NPHP3: variants seen among roughly 807,000 people sequenced by gnomAD.
NPHP3 encodes nephrocystin 3.
Under a neutral mutation model 171.9 loss-of-function variants are expected in NPHP3, and 123 were observed. The observed-to-expected ratio is 0.72, with a 90% CI of 0.62 to 0.83. The LOEUF is 0.83. Among genes scored for constraint, NPHP3 ranks in the 40% least tolerant of loss-of-function variants. The probability of loss-of-function intolerance (pLI) is 0.00; values close to 1 mark genes in which losing one functional copy is unlikely to be tolerated. For missense variants in NPHP3, 1,506 were observed against 1,591.9 expected (o/e 0.95, Z 0.92); for synonymous variants, 558 against 579.2 (o/e 0.96, Z 0.52).
chr3:132,701,350 G>A (rs939043729), intron 10 of NPHP3, 80 bp downstream of exon 10: 5 of 960,302 alleles, frequency 5.2e-6, no homozygotes, highest in Non-Finnish European at 8.4e-6. Flanking sequence ...GCGCAGGAAG[G>A]CAGGCATGCA....
chr3:132,685,166 TG>T, intron 23 of NPHP3: 2 of 247,472 alleles, frequency 8.1e-6, no homozygotes, highest in South Asian at 1.0e-4. Context: ...TTCTTTATTT[TG>T]TTTTTTTGTA....
chr3:132,694,379 T>TGTGTGTA (rs1391468945), intron 16 of NPHP3, among the ~76,000 whole-genome samples: 2 of 148,814 alleles, frequency 1.3e-5, no homozygotes, highest in African/African-American at 5.0e-5. Context: ...GTGTGTGTGT[T>TGTGTGTA]TACACACACA....
intron 13 of NPHP3, 151 bp downstream of exon 13, chr3:132,699,202 T>A: frequency 1.7e-5 from 11 of 635,742 alleles, no homozygotes. Flanking sequence ...CTATAGATTG[T>A]ATTTTTTTTT....
At chr3:132,706,538 A>G (rs962192554) in intron 7 of NPHP3, among the ~76,000 whole-genome samples, 1 of 152,180 alleles carries the variant, frequency 6.6e-6, no homozygotes, top group African/African-American at 2.4e-5. Flanking sequence ...GCAAAATAGT[A>G]TACTATGTAG....
At chr3:132,712,463 A>G (rs546418520) in intron 6 of NPHP3, 16 of 456,972 alleles carry the variant, frequency 3.5e-5, no homozygotes, top group South Asian at 2.2e-4. Context: ...GTATGAAGGC[A>G]GCTGTAGAAA....
At position 132,689,105 on chromosome 3, in the gene NPHP3, C is replaced by A; in HGVS notation, c.2852G>T (p.Arg951Leu). The A allele has an allele frequency of 6.2e-7, 1 of 1,614,128 alleles. No homozygotes were observed. Among genetic ancestry groups the A allele is most frequent in the Non-Finnish European group, 8.5e-7 (1 of 1,179,996 alleles). The change falls in exon 20 of 27, where the codon CGA (arginine) becomes CTA (leucine). Residue 951 changes from arginine to leucine, a missense_variant. Coordinates refer to ENST00000337331, the MANE Select transcript of NPHP3 (RefSeq NM_153240.5). Reference protein sequence around the residue: ...CLADLYETLGRFLKDLGLLSQ... With the variant: ...CLADLYETLGLFLKDLGLLSQ... ...GAGAAGGCCTAGATCCTTGAGAAAT[C>A]GCCCCAAGGTTTCATAAAGATCAGC...
chr3:132,683,597 G>A (rs1939086151), intron 24 of NPHP3, 73 bp from the exon 25 acceptor site: 2 of 1,253,934 alleles, frequency 1.6e-6, no homozygotes, highest in Admixed American at 2.1e-5. Context: ...TTTTCCATAA[G>A]TAAAATTTCA....
chr3:132,706,231 T>C (rs1308869923), intron 7 of NPHP3, among the ~76,000 whole-genome samples: 2 of 151,838 alleles, frequency 1.3e-5, no homozygotes, highest in Non-Finnish European at 2.9e-5. Flanking sequence ...TGGTGGCCGG[T>C]GCCTGTAGTG....
intron 6 of NPHP3, among the ~76,000 whole-genome samples, chr3:132,709,963 G>A (rs574656665): frequency 5.9e-5 from 9 of 152,202 alleles, no homozygotes; most frequent in South Asian, 2.1e-4. Context: ...TCAGGCACAC[G>A]TCCATATTTC....
At position 132,690,573 on chromosome 3, in the gene NPHP3, T is replaced by C; in HGVS notation, c.2648A>G (p.His883Arg). The C allele has an allele frequency of 1.2e-6, 2 of 1,613,488 alleles. No homozygotes were observed. Among genetic ancestry groups the C allele is most frequent in the Non-Finnish European group, 8.5e-7 (1 of 1,179,430 alleles). ...FQQQGSKQKL[H>R]DCLLNLFVSQ... ...CACAAAGAGATTAAGAAGGCAATCA[T>C]GCAGCTTCTGTTTACTTCCCTGCTG... Residue 883 changes from histidine to arginine, a missense_variant, in exon 19 of 27, where the codon CAT (histidine) becomes CGT (arginine). His to Arg is a conservative substitution (Grantham distance 29). Around this residue, in one of 3 missense-constraint regions of NPHP3, gnomAD observed 569 missense variants for 648.1 expected, o/e 0.88. Transcript: ENST00000337331.
chr3:132,686,528 T>A, intron 22 of NPHP3, 141 bp from the exon 23 acceptor site: 1 of 863,606 alleles, frequency 1.2e-6, no homozygotes, highest in Non-Finnish European at 1.8e-6. Flanking sequence ...CACACTAAAT[T>A]AACTTGATGA....
At position 132,700,052 on chromosome 3, in the gene NPHP3, G is replaced by A; in HGVS notation, c.1753C>T (p.His585Tyr). The change falls in exon 12 of 27, where the codon CAC becomes TAC. Residue 585 changes from histidine to tyrosine, a missense_variant. Physicochemically the swap from His to Tyr is moderately conservative, Grantham distance 83 (BLOSUM62 2). Around this residue, in one of 3 missense-constraint regions of NPHP3, gnomAD observed 930 missense variants for 924.9 expected, o/e 1.01. Coordinates refer to ENST00000337331, the MANE Select transcript of NPHP3 (RefSeq NM_153240.5). ...GTCAGAGCAGAGACTGACCAAGAGT[G>A]CTGCATCAACTACAAGATAAGAACA... Reference protein sequence around the residue: ...IKRLTLKLMQHSWSVSALTLD... With the variant: ...IKRLTLKLMQYSWSVSALTLD... The A allele has an allele frequency of 6.2e-7, 1 of 1,614,118 alleles. No individual in the cohort carries two copies. The highest frequency in any genetic ancestry group is 8.5e-7 in the Non-Finnish European group (1 of 1,180,008).
chr3:132,689,288 T>C (rs772993385), intron 19 of NPHP3, 25 bp from the exon 20 acceptor site: 2 of 1,610,070 alleles, frequency 1.2e-6, no homozygotes, highest in African/African-American at 2.7e-5. Context: ...AACAGTACTT[T>C]AATGAAAAAC....
chr3:132,687,115 C>T (rs768579911), intron 22 of NPHP3, 36 bp downstream of exon 22: 16 of 1,044,744 alleles, frequency 1.5e-5, no homozygotes, highest in Middle Eastern at 4.0e-4. Flanking sequence ...TTTCCTCTTA[C>T]GTTCAAAACA....
At position 132,705,549 on chromosome 3, in the gene NPHP3, A is replaced by C. The variant is rs1576676561; in HGVS notation, c.1350+191T>G. 4 of 470,724 alleles carry C rather than the reference A, an allele frequency of 8.5e-6. No individual in the cohort carries two copies. In the East Asian group the frequency reaches 1.0e-4, roughly 12 times the overall value. 29.2% of individuals were successfully genotyped at this position (470,724 alleles called of 1,614,324 possible). A position where few individuals can be genotyped will look rare whatever the true frequency, so the allele number is the denominator to read the frequency against. On this transcript the variant is annotated intron_variant, in intron 8 of 26. Transcript: ENST00000337331. The stretch of plus-strand genomic sequence containing the variant: ...TAGTCCTCTGAGATAGATGAGAGAT[A>C]AAGATATTAATACATGGTCCTAGTA...
rs1358649866 is a variant in NPHP3 at position 132,701,423 on chromosome 3, A to G, written c.1628+7T>C. On this transcript the variant is annotated splice_region_variant and intron_variant, in intron 10 of 26. Coordinates refer to ENST00000337331, the MANE Select transcript of NPHP3 (RefSeq NM_153240.5). ...GACAACAATAATTTAATTGCACTGC[A>G]TCATACCACTTTGATAAAAGAAGAG... The G allele has an allele frequency of 1.9e-6, 3 of 1,558,810 alleles. No homozygotes were observed. The highest frequency in any genetic ancestry group is 2.7e-6 in the Non-Finnish European group (3 of 1,129,754).
At chr3:132,690,240 C>A (rs540537845) in intron 19 of NPHP3, among the ~76,000 whole-genome samples, 1 of 152,276 alleles carries the variant, frequency 6.6e-6, no homozygotes, top group African/African-American at 2.4e-5. Context: ...TTACGAACCA[C>A]CTCTCTGAGT....
rs145056102 is a variant in NPHP3 at position 132,700,465 on chromosome 3, G to T, written c.1629-17C>A. 636 of 1,486,820 alleles carry T rather than the reference G, an allele frequency of 4.3e-4. 2 individuals carry two copies. The East Asian group carries it at 7.5e-3, about 17-fold the overall frequency. The allele number at this position is 1,486,820 out of a possible 1,614,324, so 92.1% of individuals were successfully genotyped here. On this transcript the variant is annotated splice_polypyrimidine_tract_variant and intron_variant, in intron 10 of 26. Transcript: ENST00000337331. ...AATTGAATCCTGAAAGAAAAAGACAGAACTTTTATAAAACCGATAAAGTTC... is the reference window on the plus strand; with the variant it reads ...AATTGAATCCTGAAAGAAAAAGACATAACTTTTATAAAACCGATAAAGTTC...
At chr3:132,689,558 G>T (rs1374060123) in intron 19 of NPHP3, among the ~76,000 whole-genome samples, 5 of 152,170 alleles carry the variant, frequency 3.3e-5, no homozygotes, top group Non-Finnish European at 1.5e-5. Context: ...ACTCCACGGT[G>T]TTGGCTGTTA....
Sources: allele counts gnomAD v4.1 joint callset (sites outside exome capture counted in the v4.1 genomes callset), GRCh38; gene constraint gnomAD v4.1.1; regional missense constraint gnomAD v4.1.1; transcripts MANE v1.5; gene names NCBI Gene and HGNC (gene_info 2026-07-23, HGNC 2026-07-21).